Variants in ACTN4 observed in about 807,000 individuals in gnomAD.
The protein encoded by ACTN4 is actinin alpha 4.
ACTN4 carries 18 observed loss-of-function variants against 114.2 expected under a neutral mutation model. The ratio of observed to expected loss-of-function variants is 0.16; its 90% confidence interval spans 0.11 to 0.23. The LOEUF (loss-of-function observed/expected upper bound fraction) is 0.23, where lower values mean the gene tolerates loss of function less well. ACTN4 is among the 10% of genes least tolerant of loss of function. The pLI, the probability that ACTN4 is intolerant of heterozygous loss-of-function variation, is 1.00. For missense variants in ACTN4, 722 were observed against 1,262.9 expected (o/e 0.57, Z 6.49); for synonymous variants, 515 against 506.3 (o/e 1.02, Z -0.23).
At chr19:38,674,673 A>G (rs769589614) in intron 1 of ACTN4, among the ~76,000 whole-genome samples, 3 of 152,194 alleles carry the variant, frequency 2.0e-5, no homozygotes, top group Non-Finnish European at 4.4e-5. Context: ...CCCCTCAGTC[A>G]GTAAAAGACA....
intron 3 of ACTN4, among the ~76,000 whole-genome samples, chr19:38,701,336 G>A (rs192857881): frequency 2.2e-4 from 34 of 152,236 alleles, no homozygotes; most frequent in Non-Finnish European, 4.3e-4. Context: ...TCCGGTGGGC[G>A]CAGTCCAAAT....
chr19:38,685,193 C>G (rs1325904012), intron 1 of ACTN4, among the ~76,000 whole-genome samples: 2 of 152,182 alleles, frequency 1.3e-5, no homozygotes, highest in African/African-American at 4.8e-5. Flanking sequence ...ATCCACCCAC[C>G]TTGGCCTCCC....
chr19:38,688,225 T>C (rs922904222), intron 1 of ACTN4, among the ~76,000 whole-genome samples: 1 of 149,834 alleles, frequency 6.7e-6, no homozygotes, highest in African/African-American at 2.5e-5. Flanking sequence ...CTGGGCATCA[T>C]AGTGAGACCC....
intron 1 of ACTN4, among the ~76,000 whole-genome samples, chr19:38,698,656 G>A (rs1013334895): frequency 2.0e-5 from 3 of 152,200 alleles, no homozygotes; most frequent in African/African-American, 7.2e-5. Context: ...CTACATGGCG[G>A]GGCGGAGGTA....
At chr19:38,716,323 C>T (rs994691376) in intron 9 of ACTN4, among the ~76,000 whole-genome samples, 5 of 152,196 alleles carry the variant, frequency 3.3e-5, no homozygotes, top group Non-Finnish European at 7.3e-5. Context: ...ATTTATGTCC[C>T]AGGCCCAGTG....
At chr19:38,710,197 G>A in intron 7 of ACTN4, 60 bp from the exon 8 acceptor site, 1 of 1,579,452 alleles carries the variant, frequency 6.3e-7, no homozygotes, top group African/African-American at 1.3e-5. Context: ...GGATCCCAGT[G>A]AGTGACGCCT....
Position 38,717,103 on chromosome 19 carries a change from G to A in ACTN4, c.930G>A (p.Arg310=). 1.2e-6 allele frequency: 2 copies of A among 1,613,726 alleles called. No homozygotes were observed. The highest frequency in any genetic ancestry group is 3.3e-5 in the Admixed American group (2 of 59,966). ...GCCCACAGCTCCTGGAGTGGATCCG[G>A]CGCACCATCCCCTGGCTGGAGGACC... ...KLASDLLEWI[R]RTIPWLEDRV... is the part of the protein sequence containing the mutation. The change falls in exon 10 of 21, where the codon CGG becomes CGA. Residue 310 remains arginine, a synonymous_variant. Coordinates refer to ENST00000252699, the MANE Select transcript of ACTN4 (RefSeq NM_004924.6). The surrounding 1 kb of genome is among the most constrained non-coding windows in gnomAD (Gnocchi z 4.0).
intron 1 of ACTN4, among the ~76,000 whole-genome samples, chr19:38,690,533 C>T (rs2144955225): frequency 6.6e-6 from 1 of 152,302 alleles, no homozygotes; most frequent in Middle Eastern, 3.4e-3. Flanking sequence ...AGGTTCAATT[C>T]CTTGGAATCC....
intron 1 of ACTN4, among the ~76,000 whole-genome samples, chr19:38,697,472 G>A (rs11083475): frequency 0.39 from 59,050 of 152,244 alleles, 12,548 homozygotes; most frequent in Non-Finnish European, 0.47. Context: ...GCACACTGCA[G>A]GAGGTAGATT....
rs773303919 is a variant in ACTN4, at chr19:38,723,979, G to C, written c.1594G>C (p.Glu532Gln). ...GGAGGCCATCGACCAGCTGCACCTG[G>C]AATACGCCAAGCGCGCGGCCCCCTT... ...QLEAIDQLHL[E>Q]YAKRAAPFNN... The change falls in exon 14 of 21, where the codon GAA (glutamate) becomes CAA (glutamine). Residue 532 changes from glutamate to glutamine, a missense_variant. Coordinates refer to ENST00000252699, the MANE Select transcript of ACTN4 (RefSeq NM_004924.6). 3.7e-6 allele frequency: 6 copies of C among 1,613,660 alleles called. No homozygotes were observed. The highest frequency in any genetic ancestry group is 1.1e-5 in the South Asian group (1 of 91,080).
At position 38,716,970 on chromosome 19, in the gene ACTN4, C is replaced by T. The variant is rs948196744; in HGVS notation, c.913-116C>T. Reference sequence around the variant, plus strand: ...AAGTTGGGCTGGGGAGCAGGGGTAACCCCCTAAGGTGGGGCCCTCAAAGAT... The same window carrying T: ...AAGTTGGGCTGGGGAGCAGGGGTAATCCCCTAAGGTGGGGCCCTCAAAGAT... On this transcript the variant is annotated intron_variant, in intron 9 of 20. Coordinates refer to ENST00000252699, the MANE Select transcript of ACTN4 (RefSeq NM_004924.6). 7 of 1,152,844 alleles carry T rather than the reference C, an allele frequency of 6.1e-6. No homozygotes were observed. The African/African-American group carries it at 7.6e-5, about 13-fold the overall frequency. The allele number at this position is 1,152,844 out of a possible 1,614,324, so 71.4% of individuals were successfully genotyped here.
chr19:38,705,830 G>A (rs1456111902), intron 4 of ACTN4, among the ~76,000 whole-genome samples: 1 of 152,220 alleles, frequency 6.6e-6, no homozygotes, highest in East Asian at 1.9e-4. Flanking sequence ...AAGCAGGGCC[G>A]TGTGTCCTGG....
intron 1 of ACTN4, among the ~76,000 whole-genome samples, chr19:38,700,383 T>A (rs911978450): frequency 6.6e-6 from 1 of 152,148 alleles, no homozygotes; most frequent in Non-Finnish European, 1.5e-5. Flanking sequence ...TGATGGGTCA[T>A]TAACCACCCC....
intron 1 of ACTN4, among the ~76,000 whole-genome samples, chr19:38,650,341 G>A (rs530239465): frequency 6.6e-6 from 1 of 152,194 alleles, no homozygotes; most frequent in East Asian, 1.9e-4. Context: ...TACAGGGTGA[G>A]GCTGGGGCAC....
intron 1 of ACTN4, among the ~76,000 whole-genome samples, chr19:38,657,642 C>A (rs186397237): frequency 0.025 from 3,814 of 151,976 alleles, 80 homozygotes; most frequent in Admixed American, 0.06. Context: ...TTTTTTCTTT[C>A]TTTCTTTTCC....
At chr19:38,662,188 A>C (rs1013591496) in intron 1 of ACTN4, among the ~76,000 whole-genome samples, 6 of 151,792 alleles carry the variant, frequency 4.0e-5, no homozygotes, top group Admixed American at 3.9e-4. Context: ...TGGACCCACA[A>C]CTCCCCATTT....
At chr19:38,704,171 T>A (rs1246707938) in intron 3 of ACTN4, among the ~76,000 whole-genome samples, 1 of 152,114 alleles carries the variant, frequency 6.6e-6, no homozygotes, top group East Asian at 1.9e-4. Context: ...ACTAGCAAGA[T>A]GTTGTGGCAT....
chr19:38,669,414 G>A (rs116291855), intron 1 of ACTN4, among the ~76,000 whole-genome samples: 2,156 of 152,362 alleles, frequency 0.014, 58 homozygotes, highest in African/African-American at 0.048. Context: ...GGTGTCCCCT[G>A]TCAATGGCAT....
At position 38,725,858 on chromosome 19, in the gene ACTN4, G is replaced by A; in HGVS notation, c.2145G>A (p.Gln715=). 6 of 1,614,182 alleles carry A rather than the reference G, an allele frequency of 3.7e-6. No individual in the cohort carries two copies. The highest frequency in any genetic ancestry group is 5.1e-6 in the Non-Finnish European group (6 of 1,180,048). ...TGGAGCAGCAGCACCAGCTCATCCA[G>A]GAGGCCCTCATCTTCGACAACAAGC... ...DLLEQQHQLI[Q]EALIFDNKHT... is the part of the protein sequence containing the mutation. The change falls in exon 17 of 21, where the codon CAG becomes CAA. Residue 715 remains glutamine (Q), a synonymous_variant. Coordinates refer to ENST00000252699, the MANE Select transcript of ACTN4 (RefSeq NM_004924.6).
Sources: gnomAD v4.1 joint callset for allele counts (sites outside exome capture counted in the v4.1 genomes callset) on GRCh38, gnomAD v4.1.1 for gene constraint, Gnocchi (gnomAD v3.1) non-coding constraint, MANE v1.5 for transcripts, NCBI Gene and HGNC (gene_info 2026-07-23, HGNC 2026-07-21) for gene names.